The following ABTB2 variants were observed in gnomAD, a reference collection of about 807,000 sequenced individuals.
ABTB2 encodes ankyrin repeat and BTB domain containing 2.
ABTB2 carries 56 observed loss-of-function variants against 104.1 expected under a neutral mutation model. That is an observed-to-expected ratio of 0.54 (90% CI 0.43 to 0.67). ABTB2 has a LOEUF of 0.67. Among genes scored for constraint, ABTB2 ranks in the 30% least tolerant of loss-of-function variants. The pLI, the probability that ABTB2 is intolerant of heterozygous loss-of-function variation, is 0.00. For synonymous variants in ABTB2, 606 were observed against 608.2 expected (o/e 1.00, Z 0.05); for missense variants, 1,279 against 1,407.7 (o/e 0.91, Z 1.46).
intron 1 of ABTB2, among the ~76,000 whole-genome samples, chr11:34,303,896 G>C (rs1366216797): frequency 6.6e-6 from 1 of 152,124 alleles, no homozygotes; most frequent in Non-Finnish European, 1.5e-5. Flanking sequence ...ACCCGTCTCG[G>C]CCTCCAAAAA....
At chr11:34,297,671 CAGA>C (rs1854637237) in intron 1 of ABTB2, among the ~76,000 whole-genome samples, 1 of 148,126 alleles carries the variant, frequency 6.8e-6, no homozygotes, top group Non-Finnish European at 1.5e-5. Context: ...GAGGCTGAGG[CAGA>C]AGAATTGCTT....
At chr11:34,352,907 A>T (rs1855416735) in intron 1 of ABTB2, among the ~76,000 whole-genome samples, 2 of 152,294 alleles carry the variant, frequency 1.3e-5, no homozygotes, top group South Asian at 4.1e-4. Context: ...ATAAAATTTT[A>T]AAAATTAGCT....
At chr11:34,183,865 G>C (rs1218322348) in intron 3 of ABTB2, among the ~76,000 whole-genome samples, 1 of 151,868 alleles carries the variant, frequency 6.6e-6, no homozygotes, top group Non-Finnish European at 1.5e-5. Context: ...TGGTTTCAGG[G>C]GCTGCTCTTA....
chr11:34,164,659 C>T, intron 9 of ABTB2, 27 bp downstream of exon 9: 1 of 1,469,038 alleles, frequency 6.8e-7, no homozygotes, highest in South Asian at 1.5e-5. Context: ...CCTCATGTCA[C>T]ACAGGGTGGG....
intron 3 of ABTB2, among the ~76,000 whole-genome samples, chr11:34,180,913 T>C (rs1009225666): frequency 2.6e-5 from 4 of 152,150 alleles, no homozygotes; most frequent in Non-Finnish European, 5.9e-5. Flanking sequence ...TTGGTTTGTT[T>C]TGTTTTGTTT....
chr11:34,322,784 A>G (rs1261341621), intron 1 of ABTB2, among the ~76,000 whole-genome samples: 1 of 151,982 alleles, frequency 6.6e-6, no homozygotes, highest in Non-Finnish European at 1.5e-5. Flanking sequence ...TGATCCTCCA[A>G]CTTCAGCCCC....
At chr11:34,260,674 G>C (rs188591744) in intron 1 of ABTB2, among the ~76,000 whole-genome samples, 62 of 152,310 alleles carry the variant, frequency 4.1e-4, no homozygotes, top group Admixed American at 2.5e-3. Flanking sequence ...TATCTCACAG[G>C]TTTTCTTAAA....
At chr11:34,164,114 C>CCCGCTTTTCCAGCT (rs1285461502) in intron 9 of ABTB2, among the ~76,000 whole-genome samples, 2 of 152,102 alleles carry the variant, frequency 1.3e-5, no homozygotes, top group African/African-American at 2.4e-5. Flanking sequence ...CTTATCCAGC[C>CCCGCTTTTCCAGCT]CCGCTTTTCC....
intron 1 of ABTB2, among the ~76,000 whole-genome samples, chr11:34,212,956 C>T (rs1335371992): frequency 6.6e-6 from 1 of 152,146 alleles, no homozygotes; most frequent in Non-Finnish European, 1.5e-5. Flanking sequence ...GTGATGTGCT[C>T]AGGGCCAGCA....
Position 34,159,904 on chromosome 11 carries a change from A to T in ABTB2, c.2606+2T>A. 1 of 1,611,198 alleles carries T rather than the reference A, an allele frequency of 6.2e-7. No individual in the cohort carries two copies. The highest frequency in any genetic ancestry group is 8.5e-7 in the Non-Finnish European group (1 of 1,177,482). On this transcript the variant is annotated splice_donor_variant, in intron 13 of 16. Transcript: ENST00000435224. LOFTEE classifies it high-confidence loss of function. ...GGGAGTTTGTTATCTGAGGCTGCCT[A>T]CCTGTTAGAAGCTGTCACCAGCAGG...
intron 1 of ABTB2, among the ~76,000 whole-genome samples, chr11:34,235,334 G>C (rs928307067): frequency 6.6e-6 from 1 of 152,140 alleles, no homozygotes; most frequent in African/African-American, 2.4e-5. Flanking sequence ...ACCATGACCC[G>C]GGGTAAGTAC....
intron 1 of ABTB2, among the ~76,000 whole-genome samples, chr11:34,275,485 T>C (rs1830955645): frequency 1.3e-5 from 2 of 150,390 alleles, no homozygotes; most frequent in Admixed American, 1.3e-4. Context: ...AGGGCTCTCT[T>C]TTTTTTTTGT....
At chr11:34,352,300 T>G (rs1855408320) in intron 1 of ABTB2, among the ~76,000 whole-genome samples, 1 of 152,240 alleles carries the variant, frequency 6.6e-6, no homozygotes, top group Admixed American at 6.5e-5. Context: ...TAAAGGTCCT[T>G]AGTAGTATTG....
chr11:34,297,313 G>T (rs1854634040), intron 1 of ABTB2, among the ~76,000 whole-genome samples: 1 of 152,074 alleles, frequency 6.6e-6, no homozygotes, highest in South Asian at 2.1e-4. Context: ...TTTTTTAAGA[G>T]GTTAACTTAA....
At chr11:34,282,009 C>T (rs1008482042) in intron 1 of ABTB2, among the ~76,000 whole-genome samples, 1 of 152,132 alleles carries the variant, frequency 6.6e-6, no homozygotes. Context: ...TAGCAAAATA[C>T]CATAATGTAG....
intron 1 of ABTB2, among the ~76,000 whole-genome samples, chr11:34,297,029 G>A (rs17257442): frequency 6.6e-6 from 1 of 152,204 alleles, no homozygotes; most frequent in Non-Finnish European, 1.5e-5. Context: ...TTCAACAAGT[G>A]AGGCTTTTAT....
chr11:34,275,994 C>T (rs72914524), intron 1 of ABTB2, among the ~76,000 whole-genome samples: 11,670 of 152,154 alleles, frequency 0.077, 555 homozygotes, highest in Non-Finnish European at 0.11. Context: ...CTGTCAAATA[C>T]CTGAACAGAA....
intron 1 of ABTB2, among the ~76,000 whole-genome samples, chr11:34,305,783 T>G (rs773466122): frequency 6.6e-6 from 1 of 152,232 alleles, no homozygotes; most frequent in Non-Finnish European, 1.5e-5. Flanking sequence ...ACTCACCAAT[T>G]GTTAACATCT....
intron 3 of ABTB2, among the ~76,000 whole-genome samples, chr11:34,175,220 T>G (rs181425747): frequency 1.3e-5 from 2 of 152,368 alleles, no homozygotes; most frequent in East Asian, 3.9e-4. Flanking sequence ...CAAAGAATGC[T>G]TTTATTTTAA....
Sources: gnomAD v4.1 joint callset for allele counts (sites outside exome capture counted in the v4.1 genomes callset) on GRCh38, gnomAD v4.1.1 for gene constraint, MANE v1.5 for transcripts, NCBI Gene and HGNC (gene_info 2026-07-23, HGNC 2026-07-21) for gene names.